The following KDM1B variants were observed in gnomAD, a reference collection of about 807,000 sequenced individuals.
KDM1B encodes the protein lysine-specific histone demethylase 2.
KDM1B carries 63 observed loss-of-function variants against 107.4 expected under a neutral mutation model. The observed-to-expected ratio is 0.59, with a 90% CI of 0.48 to 0.72. The LOEUF (loss-of-function observed/expected upper bound fraction) is 0.72. Among genes scored for constraint, KDM1B ranks in the 30% least tolerant of loss-of-function variants. The pLI is 0.00. For missense variants in KDM1B, 749 were observed against 1,020.8 expected, an observed-to-expected ratio of 0.73 and a Z score of 3.63; for synonymous variants, 363 against 363.9, an observed-to-expected ratio of 1.00 and a Z score of 0.03.
intron 7 of KDM1B, 92 bp from the exon 8 acceptor site, chr6:18,185,680 A>C: frequency 9.1e-7 from 1 of 1,102,578 alleles, no homozygotes; most frequent in Non-Finnish European, 1.4e-6. Context: ...CCAGCCTGAT[A>C]GGTGAAAAGA....
chr6:18,182,546 C>CTT (rs113769690), intron 7 of KDM1B, among the ~76,000 whole-genome samples: 1 of 148,902 alleles, frequency 6.7e-6, no homozygotes, highest in Non-Finnish European at 1.5e-5. Flanking sequence ...TTATTTCATT[C>CTT]TTTTTTTTTT....
At chr6:18,182,603 C>T (rs1475833486) in intron 7 of KDM1B, among the ~76,000 whole-genome samples, 2 of 151,952 alleles carry the variant, frequency 1.3e-5, no homozygotes, top group Admixed American at 6.6e-5. Context: ...CAGTGGCATC[C>T]TCTTAGCCCA....
chr6:18,207,565 T>C, intron 16 of KDM1B, 36 bp downstream of exon 16: 2 of 1,611,150 alleles, frequency 1.2e-6, no homozygotes, highest in Non-Finnish European at 1.7e-6. Context: ...TGGCTCGCCT[T>C]GTTTGGGGAG....
intron 7 of KDM1B, among the ~76,000 whole-genome samples, chr6:18,183,271 T>G (rs1487747088): frequency 7.1e-6 from 1 of 141,778 alleles, no homozygotes; most frequent in South Asian, 2.3e-4. Flanking sequence ...TTTTTTTTTT[T>G]TTTTTTTTTT....
Position 18,205,275 on chromosome 6 carries a change from ACTTACATAG to A in KDM1B, c.1532-258_1532-250del, listed in dbSNP as rs1339583902. Among the ~76,000 whole-genome samples the A allele has an allele frequency of 6.6e-6, 1 of 152,144 alleles. No homozygotes were observed. Among genetic ancestry groups the A allele is most frequent in the Non-Finnish European group, 1.5e-5 (1 of 68,040 alleles). ...ATTGAGACGTTTCTGAAGATATAGA[ACTTACATAG>A]CTTTGTTTCCGGTTGTGCACATGTA... is the stretch of plus-strand genomic sequence containing the variant. On this transcript the variant is annotated intron_variant, in intron 14 of 21. Transcript: ENST00000650836. The surrounding 1 kb of genome is among the most constrained non-coding windows in gnomAD (Gnocchi z 5.7).
intron 12 of KDM1B, among the ~76,000 whole-genome samples, chr6:18,198,560 C>T (rs966084130): frequency 2.0e-5 from 3 of 149,702 alleles, no homozygotes; most frequent in Non-Finnish European, 4.4e-5. Context: ...CCGTCAAAAA[C>T]GCCCTTTGCG....
At chr6:18,160,655 G>A (rs868351977) in intron 3 of KDM1B, among the ~76,000 whole-genome samples, 1 of 151,820 alleles carries the variant, frequency 6.6e-6, no homozygotes, top group African/African-American at 2.4e-5. Flanking sequence ...GGAGAATGGC[G>A]TGAACCTGGG....
At chr6:18,163,326 C>T (rs1171798634) in intron 5 of KDM1B, among the ~76,000 whole-genome samples, 1 of 152,124 alleles carries the variant, frequency 6.6e-6, no homozygotes, top group Admixed American at 6.6e-5. Context: ...TCCCAAAGTG[C>T]TGGGATTACA....
intron 9 of KDM1B, 61 bp downstream of exon 9, chr6:18,188,063 G>T: frequency 7.1e-7 from 1 of 1,411,384 alleles, no homozygotes. Flanking sequence ...TGAGGAACGT[G>T]TGAGTGAGCA....
intron 6 of KDM1B, 95 bp from the exon 7 acceptor site, chr6:18,171,268 T>C: frequency 1.3e-6 from 1 of 764,776 alleles, no homozygotes; most frequent in Admixed American, 1.8e-5. Flanking sequence ...TTAGGATTGC[T>C]AACAGGTTGG....
chr6:18,180,275 G>T (rs1005308067), intron 7 of KDM1B, among the ~76,000 whole-genome samples: 1 of 152,000 alleles, frequency 6.6e-6, no homozygotes, highest in African/African-American at 2.4e-5. Context: ...AGAGGGGAGC[G>T]TGTCCAGCTT....
Position 18,197,773 on chromosome 6 carries a change from T to G in KDM1B, c.1221+112T>G, listed in dbSNP as rs1009480833. The G allele has an allele frequency of 4.6e-6, 3 of 655,304 alleles. No individual in the cohort carries two copies. The highest frequency in any genetic ancestry group is 7.9e-6 in the Non-Finnish European group (3 of 378,098). 40.6% of individuals were successfully genotyped at this position (655,304 alleles called of 1,614,324 possible). ...TTTTAGTGAAGAATACTAAATACAT[T>G]ATATGTTTATATTAGGTCCTAGAAA... On this transcript the variant is annotated intron_variant, in intron 12 of 21. Transcript: ENST00000650836. The surrounding 1 kb of genome is among the most constrained non-coding windows in gnomAD (Gnocchi z 4.5).
Position 18,186,836 on chromosome 6 carries a change from T to G in KDM1B, c.574-956T>G, listed in dbSNP as rs543044539. Among the ~76,000 whole-genome samples, 16 of 152,178 alleles carry G rather than the reference T, an allele frequency of 1.1e-4. No homozygotes were observed. Among genetic ancestry groups the G allele is most frequent in the African/African-American group, 3.9e-4 (16 of 41,522 alleles). ...CATTATCACAAGAACAGCATGAGGG[T>G]AACTGCCCCTGTGGTTTAATTACCT... On this transcript the variant is annotated intron_variant, in intron 8 of 21. Coordinates refer to ENST00000650836, the MANE Select transcript of KDM1B (RefSeq NM_001364614.2). The surrounding 1 kb of genome is among the most constrained non-coding windows in gnomAD (Gnocchi z 5.6).
At position 18,201,150 on chromosome 6, in the gene KDM1B, T is replaced by G. The variant is rs1213701342; in HGVS notation, c.1360-336T>G. On this transcript the variant is annotated intron_variant, in intron 13 of 21. Transcript: ENST00000650836. The surrounding 1 kb of genome is among the most constrained non-coding windows in gnomAD (Gnocchi z 4.3). The stretch of plus-strand genomic sequence containing the variant: ...CTATGAGTGTTTGTGTGTTTGTGTG[T>G]TCATTTACATGAGGGTCCACAGAGG... 6.6e-6 allele frequency among the ~76,000 whole-genome samples: 1 copy of G among 152,190 alleles called. No homozygotes were observed.
At chr6:18,220,745 T>C (rs1229157296) in intron 21 of KDM1B, among the ~76,000 whole-genome samples, 2 of 151,754 alleles carry the variant, frequency 1.3e-5, no homozygotes, top group Admixed American at 6.6e-5. Context: ...TTTCCTTTGC[T>C]GCTTTGATGC....
Position 18,159,986 on chromosome 6 carries a change from G to A in KDM1B, c.87+4G>A. Reference sequence around the variant, plus strand: ...TTTGAGGAGCTCCGGTAGGCAGGTAGTGTTCATTTATTCATTCAACAAGCC... The same window carrying A: ...TTTGAGGAGCTCCGGTAGGCAGGTAATGTTCATTTATTCATTCAACAAGCC... On this transcript the variant is annotated splice_donor_region_variant and intron_variant, in intron 3 of 21. Transcript: ENST00000650836. This position sits in a 1 kb window ranked among gnomAD's most constrained non-coding sequence, Gnocchi z 4.5. 6.3e-7 allele frequency: 1 copy of A among 1,584,826 alleles called. No homozygotes were observed. Among genetic ancestry groups the A allele is most frequent in the Non-Finnish European group, 8.6e-7 (1 of 1,165,086 alleles).
intron 4 of KDM1B, 133 bp downstream of exon 4, chr6:18,161,587 A>T: frequency 3.2e-6 from 3 of 952,008 alleles, no homozygotes; most frequent in Non-Finnish European, 4.6e-6. Context: ...TAATAGAGAC[A>T]TTGCCCAGAC....
At chr6:18,174,279 G>A (rs911162550) in intron 7 of KDM1B, among the ~76,000 whole-genome samples, 2 of 151,714 alleles carry the variant, frequency 1.3e-5, no homozygotes. Context: ...GGCTATTCTA[G>A]GACCCTTATA....
intron 7 of KDM1B, among the ~76,000 whole-genome samples, chr6:18,181,845 A>G (rs1272129191): frequency 1.3e-5 from 2 of 152,216 alleles, no homozygotes; most frequent in Non-Finnish European, 1.5e-5. Flanking sequence ...ACACCCTGCT[A>G]TGAAATCAGA....
Sources: gnomAD v4.1 joint callset for allele counts (sites outside exome capture counted in the v4.1 genomes callset) on GRCh38, gnomAD v4.1.1 for gene constraint, Gnocchi (gnomAD v3.1) non-coding constraint, MANE v1.5 for transcripts, NCBI Gene and HGNC (gene_info 2026-07-23, HGNC 2026-07-21) for gene names.